Variants in SEC24D observed in about 807,000 individuals in gnomAD.
The protein encoded by SEC24D is protein transport protein Sec24D.
In SEC24D, 69 loss-of-function variants were observed where a neutral mutation model predicts 116.9. That is an observed-to-expected ratio of 0.59 (90% CI 0.49 to 0.72). The LOEUF is 0.72. SEC24D is among the 30% of genes least tolerant of loss of function. The probability of loss-of-function intolerance (pLI) is 0.00; values close to 1 mark genes in which losing one functional copy is unlikely to be tolerated. For missense variants in SEC24D, 1,131 were observed against 1,264.1 expected, an observed-to-expected ratio of 0.89 and a Z score of 1.60; for synonymous variants, 405 against 442.8, an observed-to-expected ratio of 0.91 and a Z score of 1.07.
chr4:118,810,406 T>C (rs1193107185), intron 6 of SEC24D, among the ~76,000 whole-genome samples: 1 of 151,958 alleles, frequency 6.6e-6, no homozygotes, highest in African/African-American at 2.4e-5. Context: ...AAGAACTAAA[T>C]ATGAGATGTG....
chr4:118,774,935 CCTT>C (rs1728063399), intron 8 of SEC24D, among the ~76,000 whole-genome samples: 1 of 152,182 alleles, frequency 6.6e-6, no homozygotes, highest in Non-Finnish European at 1.5e-5. Flanking sequence ...TCCTTTCTCT[CCTT>C]CTCCTGTTAC....
intron 3 of SEC24D, among the ~76,000 whole-genome samples, chr4:118,821,394 G>GT (rs1390790375): frequency 6.6e-6 from 1 of 152,112 alleles, no homozygotes; most frequent in Non-Finnish European, 1.5e-5. Flanking sequence ...TTAGGTTGCA[G>GT]ATTTTATTTA....
chr4:118,812,465 G>C (rs920083585), intron 6 of SEC24D, among the ~76,000 whole-genome samples: 1 of 152,130 alleles, frequency 6.6e-6, no homozygotes, highest in African/African-American at 2.4e-5. Context: ...CTAGTGGGGA[G>C]ACACAAAGGC....
intron 8 of SEC24D, among the ~76,000 whole-genome samples, chr4:118,778,510 C>G (rs532351760): frequency 1.5e-3 from 235 of 152,298 alleles, no homozygotes; most frequent in African/African-American, 5.1e-3. Flanking sequence ...GTTACTGCAG[C>G]CTTGTAGTAT....
rs78056828 is a variant in SEC24D at position 118,757,472 on chromosome 4, A to T, written c.1421+249T>A. Among the ~76,000 whole-genome samples the T allele has an allele frequency of 7.4e-3, 1,131 of 152,284 alleles. 10 individuals are homozygous for T. Among genetic ancestry groups the T allele is most frequent in the African/African-American group, 0.026 (1,083 of 41,552 alleles). ...ACCACACTGTTGGGATTCTTCTTATAATTTATAATGTACTTTGAAAGTTCT... is the reference window on the plus strand; with the variant it reads ...ACCACACTGTTGGGATTCTTCTTATTATTTATAATGTACTTTGAAAGTTCT... On this transcript the variant is annotated intron_variant, in intron 11 of 22. Coordinates refer to ENST00000280551, the MANE Select transcript of SEC24D (RefSeq NM_014822.4).
At chr4:118,730,365 C>T (rs937366628) in intron 21 of SEC24D, 3 of 152,216 alleles carry the variant, frequency 2.0e-5, no homozygotes, top group African/African-American at 7.2e-5. Flanking sequence ...CTTAAAAATA[C>T]ACTTTTGACA....
chr4:118,723,369 T>A lies in SEC24D; in HGVS notation c.*146A>T, dbSNP rs563055755. The A allele has an allele frequency of 1.3e-5, 10 of 755,704 alleles. No individual in the cohort carries two copies. The East Asian group carries it at 2.4e-4, about 18-fold the overall frequency. 46.8% of individuals were successfully genotyped at this position (755,704 alleles called of 1,614,324 possible). On this transcript the variant is annotated 3_prime_UTR_variant, in exon 23 of 23. Coordinates refer to ENST00000280551, the MANE Select transcript of SEC24D (RefSeq NM_014822.4). ...TGGCTTTATACCTGAGCACCAAAGCTGAAGTTCTAAATGCCATCTCTTCCT... is the reference window on the plus strand; with the variant it reads ...TGGCTTTATACCTGAGCACCAAAGCAGAAGTTCTAAATGCCATCTCTTCCT...
chr4:118,831,208 T>TA (rs946739617), intron 2 of SEC24D, among the ~76,000 whole-genome samples: 1 of 152,130 alleles, frequency 6.6e-6, no homozygotes, highest in African/African-American at 2.4e-5. Context: ...TCTATTTTTT[T>TA]AGTAGAGACC....
intron 8 of SEC24D, among the ~76,000 whole-genome samples, chr4:118,790,176 TATCCTTGCTAATTCAATAAGCAAGGAA>T (rs1728835681): frequency 6.6e-6 from 1 of 152,214 alleles, no homozygotes; most frequent in Non-Finnish European, 1.5e-5. Context: ...GATGAAAGTT[TATCCTTGCTAATTCAATAAGCAAGGAA>T]ATTACTTTGA....
chr4:118,753,381 C>T (rs1346022833), intron 11 of SEC24D, among the ~76,000 whole-genome samples: 1 of 152,056 alleles, frequency 6.6e-6, no homozygotes. Context: ...TCTTACATAT[C>T]AGAGAATCTC....
At chr4:118,781,693 G>C (rs1187420743) in intron 8 of SEC24D, among the ~76,000 whole-genome samples, 1 of 152,138 alleles carries the variant, frequency 6.6e-6, no homozygotes, top group Non-Finnish European at 1.5e-5. Context: ...TTTCCAACTT[G>C]GTTCCATTCT....
chr4:118,758,600 A>G (rs1727226655), intron 10 of SEC24D: 1 of 152,190 alleles, frequency 6.6e-6, no homozygotes, highest in Non-Finnish European at 1.5e-5. Context: ...TTTAGAAAAG[A>G]GAGCCACAGG....
chr4:118,729,263 A>T (rs1447061270), intron 21 of SEC24D: 1 of 152,014 alleles, frequency 6.6e-6, no homozygotes, highest in African/African-American at 2.4e-5. Flanking sequence ...TGTTATAAGT[A>T]ATCTAGAGAT....
At chr4:118,745,671 C>T (rs531827900) in intron 13 of SEC24D, among the ~76,000 whole-genome samples, 69 of 152,276 alleles carry the variant, frequency 4.5e-4, no homozygotes, top group African/African-American at 1.6e-3. Flanking sequence ...AGCTCCATGA[C>T]AGTCAAGTCA....
intron 17 of SEC24D, 58 bp downstream of exon 17, chr4:118,740,605 C>G (rs556466285): frequency 8.8e-6 from 14 of 1,584,204 alleles, no homozygotes; most frequent in Non-Finnish European, 1.2e-5. Flanking sequence ...AGTCTCCCCA[C>G]TGATCATTGT....
chr4:118,738,486 C>A lies in SEC24D; in HGVS notation c.2378-107G>T, dbSNP rs779335843. 103 of 776,256 alleles carry A rather than the reference C, an allele frequency of 1.3e-4. 1 individual carries two copies. Among genetic ancestry groups the A allele is most frequent in the South Asian group, 4.0e-4 (28 of 69,498 alleles). 48.1% of individuals were successfully genotyped at this position (776,256 alleles called of 1,614,324 possible). A position where few individuals can be genotyped will look rare whatever the true frequency, so the allele number is the denominator to read the frequency against. ...TTGCTATTATCTTCAGACCACCCAG[C>A]AAGAATAATAGCATTTAAATCTGTT... On this transcript the variant is annotated intron_variant, in intron 18 of 22. Coordinates refer to ENST00000280551, the MANE Select transcript of SEC24D (RefSeq NM_014822.4).
chr4:118,735,606 T>C (rs991876336), intron 19 of SEC24D: 1 of 152,102 alleles, frequency 6.6e-6, no homozygotes. Flanking sequence ...GATATTGATA[T>C]ATTTAAGCTC....
intron 22 of SEC24D, among the ~76,000 whole-genome samples, chr4:118,725,676 G>A (rs950634070): frequency 6.6e-6 from 1 of 151,732 alleles, no homozygotes; most frequent in South Asian, 2.1e-4. Context: ...AAAGTGTCTC[G>A]CTATGAGCTG....
rs1725756324 is a variant in SEC24D, at chr4:118,732,764, TGA to T, written c.2643_2644del (p.Gln882AlafsTer28). On this transcript the variant is annotated frameshift_variant, in exon 20 of 23. Transcript: ENST00000280551. LOFTEE classifies it high-confidence loss of function. ...CAGAAGTTGTGGGTAGAAGAAAAGC[TGA>T]GAGTCAGCCACACCCATGGTCATGA... is the stretch of plus-strand genomic sequence containing the variant. 6.2e-7 allele frequency: 1 copy of T among 1,613,956 alleles called. No individual in the cohort carries two copies. The highest frequency in any genetic ancestry group is 1.1e-5 in the South Asian group (1 of 91,078).
Sources: gnomAD v4.1 joint callset for allele counts (sites outside exome capture counted in the v4.1 genomes callset) on GRCh38, gnomAD v4.1.1 for gene constraint, MANE v1.5 for transcripts, NCBI Gene and HGNC (gene_info 2026-07-23, HGNC 2026-07-21) for gene names.